Variants in DLC1 observed in about 807,000 individuals in gnomAD.
DLC1 encodes DLC1 Rho GTPase activating protein.
In DLC1, 54 loss-of-function variants were observed where a neutral mutation model predicts 140.3. The ratio of observed to expected loss-of-function variants is 0.38; its 90% confidence interval spans 0.31 to 0.48. The LOEUF is 0.48. Ranked by LOEUF, DLC1 falls within the 20% of genes least tolerant of loss-of-function variation. The pLI, the probability that DLC1 is intolerant of heterozygous loss-of-function variation, is 0.96. For missense variants in DLC1, 2,536 were observed against 1,907.0 expected (o/e 1.33, Z -6.14); for synonymous variants, 986 against 728.1 (o/e 1.35, Z -5.70).
intron 5 of DLC1, among the ~76,000 whole-genome samples, chr8:13,175,720 T>C (rs1825723944): frequency 1.3e-5 from 2 of 152,170 alleles, no homozygotes; most frequent in African/African-American, 4.8e-5. Flanking sequence ...AAATTTTGCA[T>C]GTTCTTCTTT....
chr8:13,158,024 A>G (rs377379214), intron 5 of DLC1, among the ~76,000 whole-genome samples: 2 of 152,248 alleles, frequency 1.3e-5, no homozygotes, highest in East Asian at 3.8e-4. Flanking sequence ...ACTTGTGCAT[A>G]CAAACCAGCT....
At chr8:13,132,130 C>G (rs765819629) in intron 5 of DLC1, among the ~76,000 whole-genome samples, 1 of 151,756 alleles carries the variant, frequency 6.6e-6, no homozygotes, top group South Asian at 2.1e-4. Context: ...TTGTCCGGGT[C>G]AAGGGGGTGG....
At chr8:13,326,941 T>TTTG (rs199758893) in intron 4 of DLC1, among the ~76,000 whole-genome samples, 3 of 151,820 alleles carry the variant, frequency 2.0e-5, no homozygotes, top group Admixed American at 1.3e-4. Flanking sequence ...ACTTGCAGTT[T>TTTG]TTGTTGTTGT....
intron 15 of DLC1, 152 bp from the exon 16 acceptor site, chr8:13,088,856 A>G (rs1308618893): frequency 1.6e-6 from 1 of 609,548 alleles, no homozygotes; most frequent in Non-Finnish European, 2.8e-6. Flanking sequence ...CAGTATATAA[A>G]GAAATATTGG....
chr8:13,590,146 A>G (rs1563461419), intron 1 of DLC1, among the ~76,000 whole-genome samples: 1 of 151,200 alleles, frequency 6.6e-6, no homozygotes, highest in Non-Finnish European at 1.5e-5. Flanking sequence ...ATTTTTCCAT[A>G]TATGTTTGGA....
At chr8:13,238,262 A>C (rs1308002793) in intron 5 of DLC1, among the ~76,000 whole-genome samples, 1 of 152,092 alleles carries the variant, frequency 6.6e-6, no homozygotes. Context: ...ACTAAAGCCT[A>C]TTAGCTCTAC....
intron 5 of DLC1, among the ~76,000 whole-genome samples, chr8:13,238,163 C>T (rs2117228438): frequency 6.6e-6 from 1 of 152,126 alleles, no homozygotes; most frequent in East Asian, 2.0e-4. Flanking sequence ...CGTATGTTAA[C>T]ATATGTATTT....
intron 5 of DLC1, among the ~76,000 whole-genome samples, chr8:13,265,641 C>T (rs541659291): frequency 3.3e-5 from 5 of 152,088 alleles, no homozygotes; most frequent in South Asian, 2.1e-4. Flanking sequence ...TGCAAATGTC[C>T]TTCATAGGCT....
intron 5 of DLC1, among the ~76,000 whole-genome samples, chr8:13,216,408 C>T (rs944590379): frequency 1.8e-4 from 27 of 152,054 alleles, no homozygotes; most frequent in Admixed American, 5.9e-4. Flanking sequence ...TTGCAGATCA[C>T]CTCTCTAGTC....
chr8:13,209,695 T>A (rs116640997), intron 5 of DLC1, among the ~76,000 whole-genome samples: 166 of 152,230 alleles, frequency 1.1e-3, no homozygotes, highest in African/African-American at 3.9e-3. Flanking sequence ...TGAGTTCTTA[T>A]GAGATCTGGC....
chr8:13,539,480 G>A (rs929011245), intron 1 of DLC1, among the ~76,000 whole-genome samples: 39 of 152,192 alleles, frequency 2.6e-4, no homozygotes, highest in Non-Finnish European at 4.3e-4. Context: ...GATTACAGGC[G>A]TGAGCCACTG....
chr8:13,439,297 C>A (rs1839255920), intron 2 of DLC1, among the ~76,000 whole-genome samples: 1 of 152,024 alleles, frequency 6.6e-6, no homozygotes, highest in Non-Finnish European at 1.5e-5. Context: ...GCACTCCAGT[C>A]TGGGCGACAG....
At position 13,099,689 on chromosome 8, in the gene DLC1, G is replaced by A. The variant is rs752273862; in HGVS notation, c.2648C>T (p.Pro883Leu). 18 of 1,614,054 alleles carry A rather than the reference G, an allele frequency of 1.1e-5. No homozygotes were observed. The highest frequency in any genetic ancestry group is 1.7e-6 in the Non-Finnish European group (2 of 1,180,026). The change falls in exon 9 of 18, where the codon CCG becomes CTG. Residue 883 changes from proline to leucine, a missense_variant. By Grantham distance (98) the Pro-to-Leu change is moderately conservative. Transcript: ENST00000276297. ...SSRLSIYDNVPGSILYSSSGD... is the reference protein window; with the variant it reads ...SSRLSIYDNVLGSILYSSSGD... ...TGAACTGGAGTAGAGGATGGAGCCCGGCACGTTGTCGTAGATGCTCAGGCG... is the reference window on the plus strand; with the variant it reads ...TGAACTGGAGTAGAGGATGGAGCCCAGCACGTTGTCGTAGATGCTCAGGCG...
chr8:13,521,417 A>G (rs1802762287), intron 1 of DLC1, among the ~76,000 whole-genome samples: 1 of 152,072 alleles, frequency 6.6e-6, no homozygotes, highest in Non-Finnish European at 1.5e-5. Context: ...TTAAAAAAAA[A>G]AAAAGTTCCC....
chr8:13,473,585 G>A (rs1800309404), intron 2 of DLC1, among the ~76,000 whole-genome samples: 1 of 151,938 alleles, frequency 6.6e-6, no homozygotes, highest in African/African-American at 2.4e-5. Flanking sequence ...GAAGAAGACA[G>A]GAAAATGTGG....
At position 13,483,540 on chromosome 8, in the gene DLC1, T is replaced by C. The variant is rs80196120; in HGVS notation, c.1023+15509A>G. 7.3e-4 allele frequency among the ~76,000 whole-genome samples: 111 copies of C among 152,160 alleles called. No homozygotes were observed. In the East Asian group the frequency reaches 0.018, roughly 25 times the overall value. On this transcript the variant is annotated intron_variant, in intron 2 of 17. Coordinates refer to ENST00000276297, the MANE Select transcript of DLC1 (RefSeq NM_182643.3). Reference sequence around the variant, plus strand: ...AGTGAAGTATCAGGTAAGAAGAAACTTGAAGAATAACCAAAAACTAGTTAG... The same window carrying C: ...AGTGAAGTATCAGGTAAGAAGAAACCTGAAGAATAACCAAAAACTAGTTAG...
At chr8:13,589,098 G>T (rs920854909) in intron 1 of DLC1, among the ~76,000 whole-genome samples, 4 of 151,988 alleles carry the variant, frequency 2.6e-5, no homozygotes, top group Admixed American at 1.3e-4. Context: ...GCCAGTTCTT[G>T]CCAAGTTTTT....
intron 4 of DLC1, among the ~76,000 whole-genome samples, chr8:13,334,370 C>G (rs1300950370): frequency 6.6e-6 from 1 of 152,136 alleles, no homozygotes; most frequent in African/African-American, 2.4e-5. Context: ...CAGGCCAGAT[C>G]TGTGAGCCCC....
At chr8:13,592,943 C>A (rs202096543) in intron 1 of DLC1, among the ~76,000 whole-genome samples, 2 of 152,100 alleles carry the variant, frequency 1.3e-5, no homozygotes, top group East Asian at 3.9e-4. Flanking sequence ...CAGGGTCACA[C>A]CCTTATGTCC....
Sources: gnomAD v4.1 joint callset for allele counts (sites outside exome capture counted in the v4.1 genomes callset) on GRCh38, gnomAD v4.1.1 for gene constraint, MANE v1.5 for transcripts, NCBI Gene and HGNC (gene_info 2026-07-23, HGNC 2026-07-21) for gene names.